Variants in CNTLN observed in about 807,000 individuals in gnomAD.
CNTLN encodes centlein, centrosomal protein.
CNTLN carries 212 observed loss-of-function variants against 180.0 expected under a neutral mutation model. That is an observed-to-expected ratio of 1.18 (90% CI 1.05 to 1.32). The LOEUF (loss-of-function observed/expected upper bound fraction) is 1.32. Ranked by LOEUF, CNTLN falls within the 40% of genes most tolerant of loss-of-function variation. The probability of loss-of-function intolerance (pLI) is 0.00; values close to 1 mark genes in which losing one functional copy is unlikely to be tolerated. For missense variants in CNTLN, 2,095 were observed against 1,610.9 expected, an observed-to-expected ratio of 1.30 and a Z score of -5.14; for synonymous variants, 722 against 563.1, an observed-to-expected ratio of 1.28 and a Z score of -3.99.
intron 2 of CNTLN, among the ~76,000 whole-genome samples, chr9:17,174,854 G>A (rs1820625277): frequency 1.3e-5 from 2 of 152,208 alleles, no homozygotes; most frequent in Admixed American, 6.5e-5. Flanking sequence ...TTCTGCTGAT[G>A]TATAGTTATA....
intron 2 of CNTLN, among the ~76,000 whole-genome samples, chr9:17,157,890 T>G (rs994219493): frequency 6.6e-6 from 1 of 152,202 alleles, no homozygotes; most frequent in Non-Finnish European, 1.5e-5. Flanking sequence ...TAGTGACACC[T>G]TTGCTTTCTG....
intron 5 of CNTLN, among the ~76,000 whole-genome samples, chr9:17,260,473 G>A (rs1253229030): frequency 3.3e-5 from 5 of 151,404 alleles, no homozygotes; most frequent in African/African-American, 1.2e-4. Context: ...TTTGACAAGT[G>A]TCTGTTTATG....
chr9:17,189,719 G>A (rs1481203182), intron 2 of CNTLN, among the ~76,000 whole-genome samples: 1 of 151,446 alleles, frequency 6.6e-6, no homozygotes, highest in East Asian at 2.0e-4. Context: ...ACTCCTAACC[G>A]CAAGCTGGTC....
At chr9:17,462,093 T>G (rs2134186307) in intron 19 of CNTLN, among the ~76,000 whole-genome samples, 1 of 151,986 alleles carries the variant, frequency 6.6e-6, no homozygotes, top group South Asian at 2.1e-4. Context: ...ACCATTATTC[T>G]CTAACAAACT....
chr9:17,146,381 G>C (rs2131466195), intron 2 of CNTLN, among the ~76,000 whole-genome samples: 1 of 151,992 alleles, frequency 6.6e-6, no homozygotes, highest in East Asian at 1.9e-4. Context: ...GAATTCTTCT[G>C]TTTGCTCTAT....
rs867051683 is a variant in CNTLN, at chr9:17,441,495, T to C, written c.3115-16029T>C. Reference sequence around the variant, plus strand: ...TTGTTATGAGCTTAAAAGATTGTTATAAACAATATATTTTATGTAAGCTCC... The same window carrying C: ...TTGTTATGAGCTTAAAAGATTGTTACAAACAATATATTTTATGTAAGCTCC... On this transcript the variant is annotated intron_variant, in intron 18 of 25. Coordinates refer to ENST00000380647, the MANE Select transcript of CNTLN (RefSeq NM_017738.4). Among the ~76,000 whole-genome samples the C allele has an allele frequency of 1.5e-4, 22 of 150,744 alleles. 1 individual carries two copies. The highest frequency in any genetic ancestry group is 1.0e-3 in the South Asian group (5 of 4,766).
chr9:17,171,555 C>G (rs1820421888), intron 2 of CNTLN, among the ~76,000 whole-genome samples: 1 of 152,124 alleles, frequency 6.6e-6, no homozygotes, highest in Non-Finnish European at 1.5e-5. Context: ...TTCCTGATCT[C>G]TTTTTCTCTT....
At chr9:17,488,606 G>C (rs1356944950) in intron 25 of CNTLN, among the ~76,000 whole-genome samples, 14 of 152,020 alleles carry the variant, frequency 9.2e-5, no homozygotes, top group Admixed American at 9.2e-4. Flanking sequence ...CACTGGACCT[G>C]AGTTTTTTTG....
At chr9:17,519,466 T>C in the CNTLN span, among the ~76,000 whole-genome samples, 1 of 152,220 alleles carries the variant, frequency 6.6e-6, no homozygotes, top group East Asian at 1.9e-4. Flanking sequence ...CTCACTCACT[T>C]ACTGTATATT....
intron 12 of CNTLN, among the ~76,000 whole-genome samples, chr9:17,356,005 A>T (rs1183838210): frequency 6.6e-6 from 1 of 150,632 alleles, no homozygotes; most frequent in Non-Finnish European, 1.5e-5. Context: ...TGGAGCTTGC[A>T]GTGAGCCGAG....
intron 18 of CNTLN, among the ~76,000 whole-genome samples, chr9:17,445,554 G>T (rs368650288): frequency 1.3e-5 from 2 of 152,154 alleles, no homozygotes; most frequent in South Asian, 2.1e-4. Context: ...GATTAAGTGC[G>T]GTGCAAGATG....
At chr9:17,438,366 G>C (rs993618988) in intron 18 of CNTLN, among the ~76,000 whole-genome samples, 27 of 152,132 alleles carry the variant, frequency 1.8e-4, no homozygotes, top group African/African-American at 6.0e-4. Flanking sequence ...AGACTTTGCA[G>C]TGTTATAATC....
chr9:17,483,498 C>T (rs895686871), intron 23 of CNTLN, among the ~76,000 whole-genome samples: 1 of 152,144 alleles, frequency 6.6e-6, no homozygotes, highest in African/African-American at 2.4e-5. Flanking sequence ...ATCTGAGCAC[C>T]ATTATTTATT....
At chr9:17,488,679 C>T (rs1833002724) in intron 25 of CNTLN, among the ~76,000 whole-genome samples, 1 of 151,990 alleles carries the variant, frequency 6.6e-6, no homozygotes, top group South Asian at 2.1e-4. Context: ...TTATTCTGTC[C>T]AGTGAGTATA....
chr9:17,453,927 A>G (rs751301441), intron 18 of CNTLN, among the ~76,000 whole-genome samples: 13 of 152,160 alleles, frequency 8.5e-5, no homozygotes, highest in Non-Finnish European at 1.5e-4. Flanking sequence ...CAGAGAAGAA[A>G]AGCTTGCTTT....
chr9:17,272,708 T>G (rs1828036642), intron 5 of CNTLN, among the ~76,000 whole-genome samples: 1 of 152,206 alleles, frequency 6.6e-6, no homozygotes, highest in Non-Finnish European at 1.5e-5. Context: ...GTTTTTGGTT[T>G]CTTTTTTAAG....
intron 2 of CNTLN, among the ~76,000 whole-genome samples, chr9:17,194,203 T>C (rs1031143386): frequency 6.6e-6 from 1 of 152,246 alleles, no homozygotes; most frequent in African/African-American, 2.4e-5. Flanking sequence ...TCTTAGGGAT[T>C]AACATTCAGC....
At chr9:17,221,317 A>G (rs1417572830) in intron 2 of CNTLN, among the ~76,000 whole-genome samples, 2 of 152,110 alleles carry the variant, frequency 1.3e-5, no homozygotes, top group Non-Finnish European at 1.5e-5. Context: ...AATGGCAGAT[A>G]TATCGATAGG....
intron 5 of CNTLN, among the ~76,000 whole-genome samples, chr9:17,254,034 A>C (rs1826318304): frequency 6.6e-6 from 1 of 151,612 alleles, no homozygotes; most frequent in Admixed American, 6.6e-5. Flanking sequence ...TGAGATGATC[A>C]GATTATTTTT....
Sources: allele counts gnomAD v4.1 joint callset (sites outside exome capture counted in the v4.1 genomes callset), GRCh38; gene constraint gnomAD v4.1.1; transcripts MANE v1.5; gene names NCBI Gene and HGNC (gene_info 2026-07-23, HGNC 2026-07-21).